Variants in PUDP observed in about 807,000 individuals in gnomAD.
PUDP encodes pseudouridine-5'-phosphatase.
Under a neutral mutation model 9.4 loss-of-function variants are expected in PUDP, and 8 were observed. The ratio of observed to expected loss-of-function variants is 0.85; its 90% CI spans 0.50 to 1.53. PUDP has a LOEUF of 1.53. Ranked by LOEUF, PUDP falls within the 40% of genes most tolerant of loss-of-function variation. PUDP has a pLI of 0.00. For missense variants in PUDP, 188 were observed against 189.7 expected (o/e 0.99, Z 0.05); for synonymous variants, 99 against 80.7 (o/e 1.23, Z -1.22).
chrX:6,785,860 G>A (rs1758870118), intron 3 of PUDP, among the ~76,000 whole-genome samples: 2 of 111,408 alleles, frequency 1.8e-5, no homozygotes, highest in Non-Finnish European at 3.8e-5. Context: ...GCATTGGTAG[G>A]GCCCTGGATT....
chrX:6,750,425 A>C (rs1406693922), intron 3 of PUDP, among the ~76,000 whole-genome samples: 1 of 110,482 alleles, frequency 9.1e-6, no homozygotes, highest in Non-Finnish European at 1.9e-5. Context: ...GTGAGCGTGC[A>C]TTACTCCCAA....
At chrX:6,820,790 G>A (rs1012519446) in intron 3 of PUDP, among the ~76,000 whole-genome samples, 3 of 111,826 alleles carry the variant, frequency 2.7e-5, no homozygotes, top group Non-Finnish European at 5.6e-5. Flanking sequence ...GGCTGGCATT[G>A]AGTGTCTGCG....
chrX:6,957,211 C>T (rs760268539), intron 3 of PUDP, among the ~76,000 whole-genome samples: 94 of 110,646 alleles, frequency 8.5e-4, no homozygotes, highest in Non-Finnish European at 1.7e-3. Flanking sequence ...CAGTCAAGGT[C>T]GGCTATGGTT....
At chrX:6,752,390 A>C in intron 3 of PUDP, among the ~76,000 whole-genome samples, 1 of 111,549 alleles carries the variant, frequency 9.0e-6, no homozygotes, top group East Asian at 2.8e-4. Flanking sequence ...GAAGAGGTGG[A>C]CTTTCACCTG....
chrX:6,718,810 G>C (rs1361541510), intron 1 of PUDP, among the ~76,000 whole-genome samples: 2 of 111,998 alleles, frequency 1.8e-5, no homozygotes, highest in Non-Finnish European at 3.8e-5. Flanking sequence ...TGGACTAGAA[G>C]AGACAAACTC....
intron 3 of PUDP, among the ~76,000 whole-genome samples, chrX:6,743,279 T>C (rs749581995): frequency 2.8e-4 from 31 of 112,021 alleles, no homozygotes; most frequent in Non-Finnish European, 5.4e-4. Context: ...GTCAACAAGT[T>C]TCATCACGAA....
chrX:6,970,652 G>C (rs1357099829), intron 3 of PUDP, among the ~76,000 whole-genome samples: 1 of 111,892 alleles, frequency 8.9e-6, no homozygotes, highest in African/African-American at 3.2e-5. Context: ...TCCAAACACA[G>C]ACTTTCGGGA....
intron 2 of PUDP, among the ~76,000 whole-genome samples, chrX:7,088,245 T>C (rs1303269008): frequency 2.7e-5 from 3 of 111,887 alleles, no homozygotes; most frequent in East Asian, 5.6e-4. Flanking sequence ...CTACAGCGTG[T>C]AATTTTTTTT....
intron 3 of PUDP, among the ~76,000 whole-genome samples, chrX:7,059,674 A>G (rs1400573839): frequency 1.8e-5 from 2 of 112,139 alleles, no homozygotes; most frequent in African/African-American, 6.5e-5. Context: ...TTCGTTATGG[A>G]AAAACCACAT....
chrX:6,764,699 A>G (rs1013725117), intron 3 of PUDP, among the ~76,000 whole-genome samples: 7 of 111,439 alleles, frequency 6.3e-5, no homozygotes, highest in Non-Finnish European at 1.3e-4. Flanking sequence ...AAAATTATTG[A>G]CTATGGGCAA....
intron 1 of PUDP, among the ~76,000 whole-genome samples, chrX:6,710,400 C>T (rs1407481924): frequency 1.8e-5 from 2 of 111,215 alleles, no homozygotes; most frequent in African/African-American, 6.5e-5. Context: ...TTGAAGACCT[C>T]GCCACCCTTC....
chrX:7,109,453 G>A (rs1369376073), intron 1 of PUDP, among the ~76,000 whole-genome samples: 1 of 112,198 alleles, frequency 8.9e-6, no homozygotes, highest in Non-Finnish European at 1.9e-5. Flanking sequence ...TGACTAAGGC[G>A]AGTGTGCGAA....
intron 1 of PUDP, among the ~76,000 whole-genome samples, chrX:7,110,105 G>A (rs1214710040): frequency 8.9e-6 from 1 of 111,998 alleles, no homozygotes; most frequent in Non-Finnish European, 1.9e-5. Context: ...GGTGCCCCAG[G>A]CTGGGGCCCA....
chrX:7,067,950 CA>C (rs1373779300), intron 3 of PUDP, among the ~76,000 whole-genome samples: 1 of 111,274 alleles, frequency 9.0e-6, no homozygotes, highest in East Asian at 2.8e-4. Flanking sequence ...TCTTTTTGCC[CA>C]CTGCCATCCA....
chrX:6,800,603 T>C (rs928222185), intron 3 of PUDP, among the ~76,000 whole-genome samples: 1 of 112,053 alleles, frequency 8.9e-6, no homozygotes, highest in Admixed American at 9.5e-5. Context: ...GATTTTCCAC[T>C]GTTAGGTGAA....
chrX:6,918,057 C>T (rs765981665), intron 3 of PUDP, among the ~76,000 whole-genome samples: 20 of 111,985 alleles, frequency 1.8e-4, no homozygotes, highest in Non-Finnish European at 3.6e-4. Flanking sequence ...CAAATCTAAA[C>T]CTTGCCTCCA....
intron 2 of PUDP, among the ~76,000 whole-genome samples, chrX:7,100,583 G>A: frequency 8.9e-6 from 1 of 111,811 alleles, no homozygotes; most frequent in Middle Eastern, 4.6e-3. Flanking sequence ...TAGTAAGTGA[G>A]CAAAATGAAC....
At chrX:6,741,114 G>A (rs1225921126) in intron 3 of PUDP, among the ~76,000 whole-genome samples, 1 of 105,108 alleles carries the variant, frequency 9.5e-6, no homozygotes, top group East Asian at 3.0e-4. Flanking sequence ...AGCCAAGATC[G>A]CACCACTGCA....
chrX:6,751,919 T>C (rs758720122), intron 3 of PUDP, among the ~76,000 whole-genome samples: 2 of 110,833 alleles, frequency 1.8e-5, no homozygotes, highest in Non-Finnish European at 3.8e-5. Context: ...TTATAACCCC[T>C]CTCTGTCCTG....
Sources: allele counts gnomAD v4.1 joint callset (sites outside exome capture counted in the v4.1 genomes callset), GRCh38; gene constraint gnomAD v4.1.1; transcripts MANE v1.5; gene names NCBI Gene and HGNC (gene_info 2026-07-23, HGNC 2026-07-21).